The following ADARB2 variants were observed in gnomAD, a reference collection of about 807,000 sequenced individuals.
ADARB2 encodes adenosine deaminase RNA specific B2 (inactive), also known as inactive double-stranded RNA-specific editase B2.
ADARB2 carries 25 observed loss-of-function variants against 62.2 expected under a neutral mutation model. That is an observed-to-expected ratio of 0.40 (90% CI 0.29 to 0.56). ADARB2 has a LOEUF of 0.56. Among genes scored for constraint, ADARB2 ranks in the 20% least tolerant of loss-of-function variants. The pLI is 0.43. For missense variants in ADARB2, 1,071 were observed against 1,077.4 expected, an observed-to-expected ratio of 0.99 and a Z score of 0.08; for synonymous variants, 572 against 500.8, an observed-to-expected ratio of 1.14 and a Z score of -1.90.
chr10:1,309,269 C>T (rs1831662213), intron 3 of ADARB2, among the ~76,000 whole-genome samples: 1 of 152,240 alleles, frequency 6.6e-6, no homozygotes. Flanking sequence ...TGTGCCATTG[C>T]TGGACAGTGT....
chr10:1,601,093 G>A (rs1162893612), intron 1 of ADARB2, among the ~76,000 whole-genome samples: 4 of 152,220 alleles, frequency 2.6e-5, no homozygotes, highest in African/African-American at 9.6e-5. Context: ...AGTTCAGACA[G>A]GTTTGCATTG....
intron 1 of ADARB2, among the ~76,000 whole-genome samples, chr10:1,695,444 T>G (rs938568060): frequency 6.6e-6 from 1 of 152,184 alleles, no homozygotes; most frequent in Admixed American, 6.5e-5. Context: ...AGCTATCCAC[T>G]TTAGGGGTCG....
chr10:1,243,505 TG>T (rs34157534), intron 4 of ADARB2, among the ~76,000 whole-genome samples: 41,882 of 152,184 alleles, frequency 0.28, 6,809 homozygotes, highest in South Asian at 0.52. Context: ...CTCACACACT[TG>T]TTCCTCTGAT....
At chr10:1,725,701 G>A (rs1213829767) in intron 1 of ADARB2, among the ~76,000 whole-genome samples, 1 of 152,348 alleles carries the variant, frequency 6.6e-6, no homozygotes, top group Middle Eastern at 3.4e-3. Flanking sequence ...ACTCGTATCC[G>A]AAGTTTGAAT....
chr10:1,689,779 C>T (rs560240578), intron 1 of ADARB2, among the ~76,000 whole-genome samples: 2 of 152,280 alleles, frequency 1.3e-5, no homozygotes, highest in South Asian at 4.2e-4. Flanking sequence ...ATATATGAGC[C>T]ATTTGCTAAG....
intron 1 of ADARB2, among the ~76,000 whole-genome samples, chr10:1,707,868 C>T (rs1029907079): frequency 4.3e-4 from 66 of 152,272 alleles, no homozygotes; most frequent in African/African-American, 1.4e-3. Context: ...CAGCCCGGTC[C>T]ACACACAGCA....
chr10:1,674,978 GTTTGGGGGGTAC>G (rs1834443695), intron 1 of ADARB2: 1 of 877,270 alleles, frequency 1.1e-6, no homozygotes, highest in African/African-American at 3.4e-5. Context: ...GGAGGTTTGG[GTTTGGGGGGTAC>G]ATGGATATTC....
At chr10:1,633,549 C>CATCTATCT (rs57536419) in intron 1 of ADARB2, among the ~76,000 whole-genome samples, 5,471 of 101,578 alleles carry the variant, frequency 0.054, 259 homozygotes, top group East Asian at 0.077. Context: ...GTCTATCTAT[C>CATCTATCT]ATCTATCTAT....
At chr10:1,578,543 G>C (rs1296957282) in intron 1 of ADARB2, among the ~76,000 whole-genome samples, 1 of 152,152 alleles carries the variant, frequency 6.6e-6, no homozygotes, top group Non-Finnish European at 1.5e-5. Flanking sequence ...GCTTCCTGGG[G>C]CCCTTGGCGT....
chr10:1,261,842 C>T lies in ADARB2; in HGVS notation c.1192+9113G>A, dbSNP rs371751096. Among the ~76,000 whole-genome samples the T allele has an allele frequency of 8.0e-3, 1,200 of 149,918 alleles. 14 individuals are homozygous for T. The highest frequency in any genetic ancestry group is 0.02 in the Middle Eastern group (6 of 294). On this transcript the variant is annotated intron_variant, in intron 4 of 9. Coordinates refer to ENST00000381312, the MANE Select transcript of ADARB2 (RefSeq NM_018702.4). ...TTGCTGCTATAAAGACACATGCACA[C>T]GTATGTTTATTGTGGCATTATTCAC...
intron 3 of ADARB2, among the ~76,000 whole-genome samples, chr10:1,299,044 C>T (rs977235791): frequency 2.0e-5 from 3 of 151,904 alleles, no homozygotes; most frequent in Admixed American, 6.6e-5. Context: ...AGTGCCCAGC[C>T]ACAATGCCAT....
chr10:1,194,851 C>T (rs779783635), intron 8 of ADARB2, among the ~76,000 whole-genome samples: 3 of 152,208 alleles, frequency 2.0e-5, no homozygotes, highest in Admixed American at 6.5e-5. Flanking sequence ...GAAACTCCAA[C>T]TGGAGTGTCT....
At chr10:1,337,400 G>A (rs998347075) in intron 3 of ADARB2, among the ~76,000 whole-genome samples, 2 of 152,182 alleles carry the variant, frequency 1.3e-5, no homozygotes, top group African/African-American at 2.4e-5. Context: ...GCATCCCACT[G>A]AGTAGTCCAG....
intron 1 of ADARB2, among the ~76,000 whole-genome samples, chr10:1,722,191 G>A (rs958967528): frequency 1.3e-5 from 2 of 152,162 alleles, no homozygotes; most frequent in Admixed American, 1.3e-4. Context: ...TTTCTTGGGA[G>A]GGTCGCACTT....
chr10:1,704,096 A>G lies in ADARB2; in HGVS notation c.100+32955T>C, dbSNP rs1170476741. On this transcript the variant is annotated intron_variant, in intron 1 of 9. Coordinates refer to ENST00000381312, the MANE Select transcript of ADARB2 (RefSeq NM_018702.4). This position sits in a 1 kb window ranked among gnomAD's most constrained non-coding sequence, Gnocchi z 5.6. ...ACTTCCTGTGGGTCAGGAATCCAGG[A>G]GCAGCCTCACTCTTGCTGTAAGACA... Among the ~76,000 whole-genome samples the G allele has an allele frequency of 6.6e-6, 1 of 152,194 alleles. No homozygotes were observed. Among genetic ancestry groups the G allele is most frequent in the African/African-American group, 2.4e-5 (1 of 41,436 alleles).
chr10:1,531,701 G>A (rs1026759637), intron 1 of ADARB2, among the ~76,000 whole-genome samples: 1 of 152,192 alleles, frequency 6.6e-6, no homozygotes, highest in African/African-American at 2.4e-5. Flanking sequence ...GCTGGATGTG[G>A]TGTCAAATGC....
chr10:1,574,742 A>G (rs1005584616), intron 1 of ADARB2, among the ~76,000 whole-genome samples: 3 of 138,030 alleles, frequency 2.2e-5, no homozygotes, highest in Non-Finnish European at 4.9e-5. Context: ...TTATCTCTGT[A>G]AAGACCCCAC....
intron 1 of ADARB2, among the ~76,000 whole-genome samples, chr10:1,589,553 A>T (rs912255938): frequency 6.6e-6 from 1 of 152,230 alleles, no homozygotes; most frequent in Non-Finnish European, 1.5e-5. Context: ...ATCCAGCTCC[A>T]TCAGAACCAT....
intron 1 of ADARB2, among the ~76,000 whole-genome samples, chr10:1,508,286 G>A (rs889964633): frequency 6.6e-6 from 1 of 152,142 alleles, no homozygotes. Flanking sequence ...TGCTGTCCCC[G>A]CAGCTGGTGA....
Sources: gnomAD v4.1 joint callset for allele counts (sites outside exome capture counted in the v4.1 genomes callset) on GRCh38, gnomAD v4.1.1 for gene constraint, Gnocchi (gnomAD v3.1) non-coding constraint, MANE v1.5 for transcripts, NCBI Gene and HGNC (gene_info 2026-07-23, HGNC 2026-07-21) for gene names.